Variants in ASAP2 observed in about 807,000 individuals in gnomAD.
ASAP2 encodes arf-GAP with SH3 domain, ANK repeat and PH domain-containing protein 2.
A neutral mutation model predicts 131.4 loss-of-function variants in ASAP2; 45 were observed. That is an observed-to-expected ratio of 0.34 (90% CI 0.27 to 0.44). The LOEUF is 0.44. Ranked by LOEUF, ASAP2 falls within the 20% of genes least tolerant of loss-of-function variation. ASAP2 has a pLI of 1.00. For missense variants in ASAP2, 1,011 were observed against 1,297.0 expected (o/e 0.78, Z 3.39); for synonymous variants, 510 against 503.0 (o/e 1.01, Z -0.19).
In ASAP2 at chr2:9,280,374, A is replaced by T. The variant is rs568907073; in HGVS notation, c.199+985A>T. Among the ~76,000 whole-genome samples the T allele has an allele frequency of 1.5e-3, 223 of 151,312 alleles. 1 individual carries two copies. The highest frequency in any genetic ancestry group is 5.2e-3 in the African/African-American group (214 of 41,204). ...CTCCCCCCCACCGCCCCCACCAGTT[A>T]CAATAGGGCGGGCACAAGCTCCAGT... On this transcript the variant is annotated intron_variant, in intron 2 of 27. Transcript: ENST00000281419.
intron 20 of ASAP2, among the ~76,000 whole-genome samples, chr2:9,382,498 A>G (rs1674941475): frequency 6.6e-6 from 1 of 152,236 alleles, no homozygotes; most frequent in South Asian, 2.1e-4. Context: ...GGAACTAGCT[A>G]TCTACCTTCC....
intron 2 of ASAP2, among the ~76,000 whole-genome samples, chr2:9,280,868 A>G (rs1035695224): frequency 2.0e-5 from 3 of 152,240 alleles, no homozygotes; most frequent in African/African-American, 7.2e-5. Context: ...AATCTTGTCA[A>G]CAACTGATTC....
chr2:9,331,950 CACAG>C (rs1252436481), intron 7 of ASAP2, among the ~76,000 whole-genome samples: 1 of 152,014 alleles, frequency 6.6e-6, no homozygotes, highest in African/African-American at 2.4e-5. Flanking sequence ...GGGCGGGTGT[CACAG>C]ACAGACCCCA....
At chr2:9,294,584 A>G (rs1668039042) in intron 2 of ASAP2, among the ~76,000 whole-genome samples, 1 of 152,208 alleles carries the variant, frequency 6.6e-6, no homozygotes, top group African/African-American at 2.4e-5. Context: ...AATAGGGATA[A>G]TAATAGCCAA....
rs897153464 is a variant in ASAP2 at position 9,397,727 on chromosome 2, G to GAGATATATATATATATATATATAT, written c.2685-2295_2685-2294insGATATATATATATATATATATATA. On this transcript the variant is annotated intron_variant, in intron 24 of 27. Coordinates refer to ENST00000281419, the MANE Select transcript of ASAP2 (RefSeq NM_003887.3). ...TTGGTTGGGAAAAAAAAATCAAAAG[G>GAGATATATATATATATATATATAT]ATATATATATATATATATATATATT... 3.7e-4 allele frequency among the ~76,000 whole-genome samples: 31 copies of GAGATATATATATATATATATATAT among 83,520 alleles called. 5 individuals are homozygous for GAGATATATATATATATATATATAT. Among genetic ancestry groups the GAGATATATATATATATATATATAT allele is most frequent in the African/African-American group, 2.1e-3 (27 of 12,982 alleles). 54.8% of individuals were successfully genotyped at this position (83,520 alleles called of 152,430 possible).
At chr2:9,305,103 G>A (rs1668783594) in intron 3 of ASAP2, among the ~76,000 whole-genome samples, 1 of 143,412 alleles carries the variant, frequency 7.0e-6, no homozygotes, top group Non-Finnish European at 1.5e-5. Context: ...GGCTGTAATA[G>A]TGGGGTACAG....
intron 3 of ASAP2, among the ~76,000 whole-genome samples, chr2:9,314,486 C>T (rs1226250943): frequency 1.3e-5 from 2 of 152,154 alleles, no homozygotes; most frequent in South Asian, 4.1e-4. Flanking sequence ...TGATTTCTTC[C>T]ATCAATAATT....
chr2:9,278,135 A>G (rs980773904), intron 1 of ASAP2, among the ~76,000 whole-genome samples: 17 of 152,198 alleles, frequency 1.1e-4, no homozygotes, highest in African/African-American at 4.1e-4. Flanking sequence ...AGGGTGCTTC[A>G]TTTAGTTTTC....
At chr2:9,223,736 A>G (rs1361196606) in intron 1 of ASAP2, among the ~76,000 whole-genome samples, 1 of 152,120 alleles carries the variant, frequency 6.6e-6, no homozygotes, top group Admixed American at 6.6e-5. Context: ...AGAAAAGACC[A>G]TGTTGTGAAA....
chr2:9,393,586 A>G lies in ASAP2; in HGVS notation c.2623A>G (p.Arg875Gly), dbSNP rs199777278. The G allele has an allele frequency of 2.8e-5, 45 of 1,595,610 alleles. 1 individual carries two copies. In the East Asian group the frequency reaches 8.9e-4, roughly 31 times the overall value. The change falls in exon 24 of 28, where the codon AGG (arginine) becomes GGG (glycine). Residue 875 changes from arginine to glycine, a missense_variant. By Grantham distance (125) the Arg-to-Gly change is moderately radical. This residue lies in a region of ASAP2 where 652 missense variants were observed against 698.9 expected (regional missense o/e 0.93). Transcript: ENST00000281419. The stretch of plus-strand genomic sequence containing the variant: ...TGCCCCGCCTGGGATCTCACAGATC[A>G]GGCCCCCACCTCTGCCCCCACAGCC... ...KPAPPGISQI[R>G]PPPLPPQPPS...
Position 9,319,311 on chromosome 2 carries a change from T to A in ASAP2, c.420+713T>A, listed in dbSNP as rs149746025. Among the ~76,000 whole-genome samples the A allele has an allele frequency of 2.5e-3, 386 of 152,360 alleles. 5 individuals carry two copies. Among genetic ancestry groups the A allele is most frequent in the Non-Finnish European group, 2.0e-3 (136 of 68,026 alleles). On this transcript the variant is annotated intron_variant, in intron 4 of 27. Transcript: ENST00000281419. ...CAAATTCTTTGGATCTGCGCACGAT[T>A]CCTGGGTCCCATCGGGGATGACTGG...
chr2:9,391,248 T>C, intron 23 of ASAP2, 52 bp downstream of exon 23: 1 of 1,567,676 alleles, frequency 6.4e-7, no homozygotes. Flanking sequence ...TAGATCTGGA[T>C]GGCGGGGGGT....
chr2:9,269,934 C>G (rs1435861196), intron 1 of ASAP2, among the ~76,000 whole-genome samples: 1 of 152,216 alleles, frequency 6.6e-6, no homozygotes, highest in Non-Finnish European at 1.5e-5. Context: ...CTGGCTCCAG[C>G]TCAGCTGAGC....
At chr2:9,396,370 G>T (rs1351987527) in intron 24 of ASAP2, among the ~76,000 whole-genome samples, 1 of 152,066 alleles carries the variant, frequency 6.6e-6, no homozygotes, top group East Asian at 1.9e-4. Flanking sequence ...GACCTCCTGG[G>T]CCCAGGTGAT....
At chr2:9,223,685 T>G (rs1662581208) in intron 1 of ASAP2, among the ~76,000 whole-genome samples, 1 of 152,196 alleles carries the variant, frequency 6.6e-6, no homozygotes, top group Non-Finnish European at 1.5e-5. Flanking sequence ...TAGCCCATTT[T>G]GTTTCCCTGT....
intron 3 of ASAP2, among the ~76,000 whole-genome samples, chr2:9,317,737 C>T (rs535437477): frequency 6.6e-6 from 1 of 151,986 alleles, no homozygotes; most frequent in Admixed American, 6.5e-5. Flanking sequence ...TTCACACTCA[C>T]ATCCACACTC....
chr2:9,295,969 A>C (rs368385327), intron 2 of ASAP2, among the ~76,000 whole-genome samples: 14 of 152,070 alleles, frequency 9.2e-5, no homozygotes, highest in East Asian at 3.9e-4. Context: ...GTTTTCCCAC[A>C]TTGTCAGGCC....
intron 1 of ASAP2, among the ~76,000 whole-genome samples, chr2:9,259,637 C>G (rs2709588): frequency 0.29 from 44,093 of 152,182 alleles, 6,658 homozygotes; most frequent in African/African-American, 0.39. Context: ...TGCTCCTTGG[C>G]GCTCTCAGGC....
At chr2:9,253,504 A>G (rs1664873514) in intron 1 of ASAP2, among the ~76,000 whole-genome samples, 1 of 152,124 alleles carries the variant, frequency 6.6e-6, no homozygotes, top group Non-Finnish European at 1.5e-5. Flanking sequence ...GGGTTTTGTG[A>G]AATCGTCTAA....
Sources: gnomAD v4.1 joint callset for allele counts (sites outside exome capture counted in the v4.1 genomes callset) on GRCh38, gnomAD v4.1.1 for gene constraint, gnomAD v4.1.1 regional missense constraint, MANE v1.5 for transcripts, NCBI Gene and HGNC (gene_info 2026-07-23, HGNC 2026-07-21) for gene names.